Variants in MMP16 observed in about 807,000 individuals in gnomAD.
MMP16 encodes matrix metallopeptidase 16.
Under a neutral mutation model 67.8 loss-of-function variants are expected in MMP16, and 12 were observed. That is an observed-to-expected ratio of 0.18 (90% CI 0.11 to 0.29). The LOEUF (loss-of-function observed/expected upper bound fraction) is 0.29. MMP16 is among the 10% of genes least tolerant of loss of function. MMP16 has a pLI of 1.00. For missense variants in MMP16, 475 were observed against 765.7 expected (o/e 0.62, Z 4.48); for synonymous variants, 249 against 255.9 (o/e 0.97, Z 0.26).
intron 3 of MMP16, among the ~76,000 whole-genome samples, chr8:88,171,521 A>G (rs1282682782): frequency 6.6e-6 from 1 of 152,158 alleles, no homozygotes; most frequent in Non-Finnish European, 1.5e-5. Flanking sequence ...ATAAATAGAA[A>G]CTGACACTGC....
intron 1 of MMP16, among the ~76,000 whole-genome samples, chr8:88,321,901 C>G (rs925830236): frequency 6.6e-6 from 1 of 152,150 alleles, no homozygotes; most frequent in African/African-American, 2.4e-5. Flanking sequence ...AACTTCTCCC[C>G]CAGTGCTCAA....
chr8:88,107,877 C>T (rs1310608891), intron 6 of MMP16, among the ~76,000 whole-genome samples: 1 of 151,002 alleles, frequency 6.6e-6, no homozygotes, highest in Non-Finnish European at 1.5e-5. Context: ...GATAAGCTGT[C>T]CATAGCTTGA....
intron 1 of MMP16, among the ~76,000 whole-genome samples, chr8:88,296,422 A>G (rs923976670): frequency 6.6e-6 from 1 of 152,148 alleles, no homozygotes; most frequent in African/African-American, 2.4e-5. Context: ...TTTTTTCATA[A>G]TGAGGACATT....
At chr8:88,133,678 T>A in intron 4 of MMP16, among the ~76,000 whole-genome samples, 1 of 151,880 alleles carries the variant, frequency 6.6e-6, no homozygotes, top group East Asian at 1.9e-4. Context: ...ACAAAAAAAA[T>A]TAGAGCTTAA....
At chr8:88,304,255 T>C (rs1386898177) in intron 1 of MMP16, among the ~76,000 whole-genome samples, 2 of 151,946 alleles carry the variant, frequency 1.3e-5, no homozygotes, top group Non-Finnish European at 2.9e-5. Flanking sequence ...GAAAAAAGAA[T>C]GAAAAGGAGT....
intron 6 of MMP16, among the ~76,000 whole-genome samples, chr8:88,090,103 C>A (rs887011142): frequency 2.0e-5 from 3 of 151,876 alleles, no homozygotes; most frequent in African/African-American, 7.3e-5. Context: ...TTTTTTCTCC[C>A]TGTCTTCTGC....
At chr8:88,074,251 A>G (rs2118280583) in intron 7 of MMP16, among the ~76,000 whole-genome samples, 1 of 152,306 alleles carries the variant, frequency 6.6e-6, no homozygotes, top group East Asian at 1.9e-4. Context: ...ATAGGAGTGT[A>G]ATAGATTTTA....
At chr8:88,109,747 A>G (rs1272948720) in intron 6 of MMP16, among the ~76,000 whole-genome samples, 1 of 151,364 alleles carries the variant, frequency 6.6e-6, no homozygotes, top group African/African-American at 2.4e-5. Context: ...AATTGTGAAT[A>G]TAAGCACTTT....
chr8:88,177,225 T>C (rs1381951669), intron 3 of MMP16, among the ~76,000 whole-genome samples: 1 of 152,240 alleles, frequency 6.6e-6, no homozygotes, highest in African/African-American at 2.4e-5. Flanking sequence ...GTATGTTGGT[T>C]TTTTATTAAA....
chr8:88,296,186 T>C (rs1186420570), intron 1 of MMP16, among the ~76,000 whole-genome samples: 4 of 152,184 alleles, frequency 2.6e-5, no homozygotes, highest in Admixed American at 6.5e-5. Context: ...TAACAGACAC[T>C]ATGCTGGGAT....
In MMP16 at chr8:88,169,180, G is replaced by T. The variant is rs561137983; in HGVS notation, c.405-1207C>A. 2.6e-5 allele frequency among the ~76,000 whole-genome samples: 4 copies of T among 152,100 alleles called. No homozygotes were observed. In the East Asian group the frequency reaches 7.7e-4, roughly 29 times the overall value. ...TATAAATAGGATTCAAAATTATTTTGCCCTTTTAAGACTTTTTATCAGCAT... is the reference window on the plus strand; with the variant it reads ...TATAAATAGGATTCAAAATTATTTTTCCCTTTTAAGACTTTTTATCAGCAT... On this transcript the variant is annotated intron_variant, in intron 3 of 9. Coordinates refer to ENST00000286614, the MANE Select transcript of MMP16 (RefSeq NM_005941.5).
At chr8:88,137,620 T>G (rs1359794562) in intron 4 of MMP16, among the ~76,000 whole-genome samples, 1 of 151,962 alleles carries the variant, frequency 6.6e-6, no homozygotes, top group Non-Finnish European at 1.5e-5. Flanking sequence ...GGTGTGATGT[T>G]TTTCATCTGT....
At chr8:88,169,739 A>AG (rs1808769534) in intron 3 of MMP16, among the ~76,000 whole-genome samples, 1 of 152,192 alleles carries the variant, frequency 6.6e-6, no homozygotes, top group Admixed American at 6.6e-5. Flanking sequence ...GGTTCAAAGA[A>AG]CAGCAAGGCA....
chr8:88,220,774 G>A (rs767800869), intron 1 of MMP16, among the ~76,000 whole-genome samples: 3 of 152,024 alleles, frequency 2.0e-5, no homozygotes, highest in Non-Finnish European at 2.9e-5. Flanking sequence ...GTAGTGCTCT[G>A]TTCCACCCAA....
intron 1 of MMP16, among the ~76,000 whole-genome samples, chr8:88,264,054 A>G (rs76212449): frequency 8.9e-6 from 1 of 112,440 alleles, no homozygotes. Context: ...ATATATATAT[A>G]TAGGGAGAGA....
At chr8:88,197,330 T>C in intron 1 of MMP16, 24 bp from the exon 2 acceptor site, 1 of 1,517,496 alleles carries the variant, frequency 6.6e-7, no homozygotes, top group Non-Finnish European at 8.8e-7. Flanking sequence ...TACAGTTTCT[T>C]TTAGATCAAT....
chr8:88,151,100 T>TCA (rs1340861887), intron 4 of MMP16, among the ~76,000 whole-genome samples: 2 of 107,400 alleles, frequency 1.9e-5, no homozygotes, highest in Non-Finnish European at 3.8e-5. Flanking sequence ...CCAACAAAGA[T>TCA]CAAAAGAGAC....
rs149030640 is a variant in MMP16, at chr8:88,284,041, A to G, written c.132+43034T>C. Among the ~76,000 whole-genome samples, 34 of 152,164 alleles carry G rather than the reference A, an allele frequency of 2.2e-4. 2 individuals are homozygous for G. Among genetic ancestry groups the G allele is most frequent in the Middle Eastern group, 3.4e-3 (1 of 294 alleles). On this transcript the variant is annotated intron_variant, in intron 1 of 9. Transcript: ENST00000286614. ...TTTCATGAATTGTTTGCCCCCAAACATCATCACCTTTTGTACACAAACAGT... is the reference window on the plus strand; with the variant it reads ...TTTCATGAATTGTTTGCCCCCAAACGTCATCACCTTTTGTACACAAACAGT...
At chr8:88,120,524 A>C (rs1332831559) in intron 4 of MMP16, among the ~76,000 whole-genome samples, 2 of 151,932 alleles carry the variant, frequency 1.3e-5, no homozygotes, top group African/African-American at 4.8e-5. Context: ...AACATGGGTC[A>C]ATTTTGGCTG....
Sources: gnomAD v4.1 joint callset for allele counts (sites outside exome capture counted in the v4.1 genomes callset) on GRCh38, gnomAD v4.1.1 for gene constraint, MANE v1.5 for transcripts, NCBI Gene and HGNC (gene_info 2026-07-23, HGNC 2026-07-21) for gene names.